The following FGF12 variants were observed in gnomAD, a reference collection of about 807,000 sequenced individuals.
FGF12 encodes the protein fibroblast growth factor 12, also known as fibroblast growth factor 12B.
In FGF12, 14 loss-of-function variants were observed where a neutral mutation model predicts 23.6. The ratio of observed to expected loss-of-function variants is 0.59; its 90% CI spans 0.39 to 0.93. The LOEUF (loss-of-function observed/expected upper bound fraction) is 0.93. Ranked by LOEUF, FGF12 falls within the 40% of genes least tolerant of loss-of-function variation. The pLI is 0.00. For missense variants in FGF12, 175 were observed against 217.8 expected, an observed-to-expected ratio of 0.80 and a Z score of 1.24; for synonymous variants, 62 against 77.3, an observed-to-expected ratio of 0.80 and a Z score of 1.04.
intron 2 of FGF12, among the ~76,000 whole-genome samples, chr3:192,623,641 C>T (rs776742517): frequency 1.6e-4 from 25 of 152,260 alleles, no homozygotes; most frequent in Non-Finnish European, 2.6e-4. Flanking sequence ...TTCTTTCATA[C>T]GTTTGCCTAC....
At chr3:192,221,461 A>G (rs915439064) in intron 4 of FGF12, among the ~76,000 whole-genome samples, 2 of 152,186 alleles carry the variant, frequency 1.3e-5, no homozygotes, top group Non-Finnish European at 2.9e-5. Context: ...TGTAAGCACC[A>G]TGACAGCGCA....
intron 2 of FGF12, among the ~76,000 whole-genome samples, chr3:192,509,947 A>C (rs1406421910): frequency 2.0e-5 from 3 of 152,210 alleles, no homozygotes; most frequent in Non-Finnish European, 4.4e-5. Context: ...CTAACTTAAA[A>C]ATTGAAGTTA....
chr3:192,195,234 C>A (rs1717003589), intron 4 of FGF12, among the ~76,000 whole-genome samples: 1 of 152,130 alleles, frequency 6.6e-6, no homozygotes, highest in African/African-American at 2.4e-5. Flanking sequence ...GATTTTATTT[C>A]AACTAAAGTC....
intron 5 of FGF12, among the ~76,000 whole-genome samples, chr3:192,156,670 C>G (rs949203515): frequency 6.6e-6 from 1 of 151,602 alleles, no homozygotes; most frequent in Admixed American, 6.6e-5. Flanking sequence ...TCTTTCTATT[C>G]ATTTGTCAAG....
intron 2 of FGF12, among the ~76,000 whole-genome samples, chr3:192,598,297 A>G (rs1440019127): frequency 1.3e-5 from 2 of 152,212 alleles, no homozygotes; most frequent in African/African-American, 4.8e-5. Context: ...ATTATTGGAA[A>G]AGAATATTTT....
intron 2 of FGF12, among the ~76,000 whole-genome samples, chr3:192,535,688 C>T (rs908633830): frequency 1.2e-4 from 18 of 152,186 alleles, no homozygotes; most frequent in African/African-American, 4.3e-4. Flanking sequence ...TATAAACTCA[C>T]ACTGAAAATT....
At chr3:192,569,449 T>C (rs1313771398) in intron 2 of FGF12, among the ~76,000 whole-genome samples, 1 of 152,228 alleles carries the variant, frequency 6.6e-6, no homozygotes, top group Admixed American at 6.5e-5. Context: ...CAAAGGAACG[T>C]CTGGAGAATT....
intron 2 of FGF12, among the ~76,000 whole-genome samples, chr3:192,403,834 C>G (rs1720857100): frequency 6.6e-6 from 1 of 152,010 alleles, no homozygotes; most frequent in African/African-American, 2.4e-5. Context: ...TTTTCTTCCT[C>G]TATGCAAAAG....
intron 2 of FGF12, among the ~76,000 whole-genome samples, chr3:192,702,424 C>T (rs998563573): frequency 2.0e-5 from 3 of 152,158 alleles, no homozygotes; most frequent in South Asian, 2.1e-4. Flanking sequence ...TAAATACCTA[C>T]ATTATGTAAG....
In FGF12 at chr3:192,250,107, G is replaced by C. The variant is rs967084436; in HGVS notation, c.229-79451C>G. On this transcript the variant is annotated intron_variant, in intron 4 of 5. Transcript: ENST00000445105. Reference sequence around the variant, plus strand: ...AGTACTCGAAGTGTGCACTCATGTGGATAATCTAAAACATTGAGAATTCAA... The same window carrying C: ...AGTACTCGAAGTGTGCACTCATGTGCATAATCTAAAACATTGAGAATTCAA... Among the ~76,000 whole-genome samples the C allele has an allele frequency of 4.6e-5, 7 of 152,250 alleles. No individual in the cohort carries two copies. In the South Asian group the frequency reaches 1.5e-3, roughly 32 times the overall value.
intron 2 of FGF12, among the ~76,000 whole-genome samples, chr3:192,377,751 G>A (rs1490802612): frequency 3.3e-5 from 5 of 152,172 alleles, no homozygotes; most frequent in Non-Finnish European, 7.3e-5. Flanking sequence ...TATGCAAGGA[G>A]CTTGGGATAC....
At chr3:192,403,573 G>A (rs1720847226) in intron 2 of FGF12, among the ~76,000 whole-genome samples, 1 of 149,850 alleles carries the variant, frequency 6.7e-6, no homozygotes, top group Non-Finnish European at 1.5e-5. Flanking sequence ...CAAAAATCAA[G>A]CCAAATATCA....
At chr3:192,475,489 C>A (rs1723293149) in intron 2 of FGF12, among the ~76,000 whole-genome samples, 1 of 152,166 alleles carries the variant, frequency 6.6e-6, no homozygotes, top group Non-Finnish European at 1.5e-5. Context: ...CTGGAAATAC[C>A]AGCTTGGTCC....
chr3:192,627,372 A>G (rs1715210379), intron 2 of FGF12, among the ~76,000 whole-genome samples: 1 of 152,098 alleles, frequency 6.6e-6, no homozygotes, highest in African/African-American at 2.4e-5. Context: ...TTTTATTGCT[A>G]TCATAATACA....
At chr3:192,415,815 C>G (rs1721336385) in intron 2 of FGF12, among the ~76,000 whole-genome samples, 1 of 150,476 alleles carries the variant, frequency 6.6e-6, no homozygotes. Context: ...ATAAGGCAAA[C>G]AGAGAGCCAC....
intron 2 of FGF12, among the ~76,000 whole-genome samples, chr3:192,502,735 T>C (rs558634081): frequency 1.1e-4 from 16 of 152,196 alleles, no homozygotes; most frequent in African/African-American, 3.6e-4. Context: ...GCAACTAACG[T>C]TGGAATGGGA....
chr3:192,725,596 G>A (rs76005240), intron 2 of FGF12, among the ~76,000 whole-genome samples: 8,689 of 152,138 alleles, frequency 0.057, 462 homozygotes, highest in East Asian at 0.19. Context: ...GATTACTGCC[G>A]AGAGATATAG....
chr3:192,162,773 A>C (rs1240095077), intron 5 of FGF12, among the ~76,000 whole-genome samples: 1 of 152,132 alleles, frequency 6.6e-6, no homozygotes, highest in African/African-American at 2.4e-5. Context: ...TTGGAGTTTT[A>C]AAACATCAGG....
chr3:192,632,102 T>G (rs1007678357), intron 2 of FGF12, among the ~76,000 whole-genome samples: 3 of 152,196 alleles, frequency 2.0e-5, no homozygotes, highest in Non-Finnish European at 4.4e-5. Context: ...GCTTTACACA[T>G]GCATTTTCTC....
Sources: allele counts gnomAD v4.1 joint callset (sites outside exome capture counted in the v4.1 genomes callset), GRCh38; gene constraint gnomAD v4.1.1; transcripts MANE v1.5; gene names NCBI Gene and HGNC (gene_info 2026-07-23, HGNC 2026-07-21).